The following VIPR2 variants were observed in gnomAD, a reference collection of about 807,000 sequenced individuals.
VIPR2 encodes vasoactive intestinal polypeptide receptor 2.
VIPR2 carries 48 observed loss-of-function variants against 58.0 expected under a neutral mutation model. The observed-to-expected ratio is 0.83, with a 90% CI of 0.66 to 1.05. VIPR2 has a LOEUF of 1.05. Ranked by LOEUF, VIPR2 falls within the 50% of genes least tolerant of loss-of-function variation. The pLI, the probability that VIPR2 is intolerant of heterozygous loss-of-function variation, is 0.00. For missense variants in VIPR2, 534 were observed against 558.0 expected (o/e 0.96, Z 0.43); for synonymous variants, 243 against 235.2 (o/e 1.03, Z -0.30).
chr7:159,035,112 C>A (rs1853848250), intron 8 of VIPR2, among the ~76,000 whole-genome samples: 1 of 152,232 alleles, frequency 6.6e-6, no homozygotes, highest in Non-Finnish European at 1.5e-5. Context: ...GGGGTGTCTC[C>A]AGCAGGAAGC....
At chr7:159,130,217 G>A (rs1016490792) in intron 2 of VIPR2, among the ~76,000 whole-genome samples, 7 of 152,154 alleles carry the variant, frequency 4.6e-5, no homozygotes, top group Non-Finnish European at 7.3e-5. Flanking sequence ...AGCTAACTTC[G>A]AGAGACTTTT....
chr7:159,138,461 A>C (rs530818281), intron 2 of VIPR2, among the ~76,000 whole-genome samples: 65 of 152,360 alleles, frequency 4.3e-4, no homozygotes, highest in African/African-American at 1.3e-3. Flanking sequence ...TATTCCCACC[A>C]ACAAAACGGT....
Position 159,098,138 on chromosome 7 carries a change from C to T in VIPR2, c.357+5619G>A, listed in dbSNP as rs1042773848. Among the ~76,000 whole-genome samples the T allele has an allele frequency of 7.2e-5, 11 of 152,310 alleles. No homozygotes were observed. The highest frequency in any genetic ancestry group is 1.4e-4 in the African/African-American group (6 of 41,572). Reference sequence around the variant, plus strand: ...TCTGCCTGAGCTGTTCTGTTTTCCACGCAGTGGGAACCCCGGCCCCCATCC... The same window carrying T: ...TCTGCCTGAGCTGTTCTGTTTTCCATGCAGTGGGAACCCCGGCCCCCATCC... On this transcript the variant is annotated intron_variant, in intron 4 of 12. Transcript: ENST00000262178. This position sits in a 1 kb window ranked among gnomAD's most constrained non-coding sequence, Gnocchi z 5.2.
chr7:159,037,152 T>C (rs550214482), intron 6 of VIPR2, among the ~76,000 whole-genome samples: 478 of 152,342 alleles, frequency 3.1e-3, no homozygotes, highest in Non-Finnish European at 5.8e-3. Flanking sequence ...TGAACAGCAC[T>C]GCCTGAGGTG....
At chr7:159,106,176 G>A (rs989120616) in intron 3 of VIPR2, among the ~76,000 whole-genome samples, 1 of 152,246 alleles carries the variant, frequency 6.6e-6, no homozygotes, top group African/African-American at 2.4e-5. Flanking sequence ...CATCCTCTGC[G>A]AGGTGCAGCC....
intron 4 of VIPR2, among the ~76,000 whole-genome samples, chr7:159,102,752 C>G (rs374275966): frequency 2.6e-5 from 4 of 152,146 alleles, no homozygotes; most frequent in Admixed American, 2.6e-4. Flanking sequence ...AGGAGGTGAT[C>G]GGCCCACAAG....
rs865849437 is a variant in VIPR2 at position 159,132,730 on chromosome 7, C to G, written c.151+9716G>C. Among the ~76,000 whole-genome samples, 103 of 152,044 alleles carry G rather than the reference C, an allele frequency of 6.8e-4. No homozygotes were observed. The Middle Eastern group carries it at 0.028, about 41-fold the overall frequency. ...ACAAGGAATCGTGAGTATCTGCAAACCACGCAATATATTTTTTGATTGGCA... is the reference window on the plus strand; with the variant it reads ...ACAAGGAATCGTGAGTATCTGCAAAGCACGCAATATATTTTTTGATTGGCA... On this transcript the variant is annotated intron_variant, in intron 2 of 12. Coordinates refer to ENST00000262178, the MANE Select transcript of VIPR2 (RefSeq NM_003382.5).
chr7:159,085,002 G>A (rs750409477), intron 4 of VIPR2, among the ~76,000 whole-genome samples: 14 of 152,216 alleles, frequency 9.2e-5, no homozygotes, highest in Non-Finnish European at 1.9e-4. Flanking sequence ...TTCAGGATGA[G>A]AACACTGCAC....
chr7:159,090,052 G>A (rs149129552), intron 4 of VIPR2, among the ~76,000 whole-genome samples: 2,681 of 84,194 alleles, frequency 0.032, 100 homozygotes, highest in African/African-American at 0.058. Flanking sequence ...CACAATCCCC[G>A]GTGACCTCAG....
intron 4 of VIPR2, among the ~76,000 whole-genome samples, chr7:159,074,859 AG>A (rs1856563408): frequency 6.6e-6 from 1 of 152,196 alleles, no homozygotes; most frequent in Admixed American, 6.5e-5. Flanking sequence ...AGATAAAAAA[AG>A]AACTCGTTTT....
chr7:159,064,028 CCT>C (rs1855928207), intron 4 of VIPR2, among the ~76,000 whole-genome samples: 1 of 152,000 alleles, frequency 6.6e-6, no homozygotes, highest in Middle Eastern at 3.4e-3. Context: ...AGAGGCGTCC[CCT>C]GAGACTTCCT....
chr7:159,032,368 C>G (rs1420443783), intron 10 of VIPR2, among the ~76,000 whole-genome samples: 1 of 152,222 alleles, frequency 6.6e-6, no homozygotes, highest in African/African-American at 2.4e-5. Flanking sequence ...GGGCAAGATT[C>G]CCTGTGAGTG....
At chr7:159,091,867 C>T (rs1857526980) in intron 4 of VIPR2, among the ~76,000 whole-genome samples, 1 of 152,220 alleles carries the variant, frequency 6.6e-6, no homozygotes. Context: ...GGGGCTCATG[C>T]CTGTAATCCC....
intron 2 of VIPR2, among the ~76,000 whole-genome samples, chr7:159,112,719 GA>G (rs1796075064): frequency 7.3e-6 from 1 of 136,548 alleles, no homozygotes. Context: ...CTGTGAGGAG[GA>G]GACTCACGGC....
At chr7:159,117,939 C>G (rs1272386844) in intron 2 of VIPR2, among the ~76,000 whole-genome samples, 1 of 152,202 alleles carries the variant, frequency 6.6e-6, no homozygotes, top group Non-Finnish European at 1.5e-5. Flanking sequence ...CATTTAGAAG[C>G]AAATATTTCC....
chr7:159,035,854 G>C (rs1853909404), intron 8 of VIPR2, 98 bp downstream of exon 8: 2 of 1,515,714 alleles, frequency 1.3e-6, no homozygotes, highest in Non-Finnish European at 1.8e-6. Flanking sequence ...AACGCTCCCT[G>C]TCCTTCCAAC....
chr7:159,137,566 T>C (rs1563359351), intron 2 of VIPR2, among the ~76,000 whole-genome samples: 1 of 152,150 alleles, frequency 6.6e-6, no homozygotes, highest in African/African-American at 2.4e-5. Flanking sequence ...TTTTGGTGTC[T>C]TGCTATGTTA....
chr7:159,067,078 A>G (rs1335274677), intron 4 of VIPR2, among the ~76,000 whole-genome samples: 2 of 152,232 alleles, frequency 1.3e-5, no homozygotes, highest in African/African-American at 2.4e-5. Context: ...TGCACCAGCC[A>G]TATTTTGGTG....
At chr7:159,131,664 G>C (rs960185226) in intron 2 of VIPR2, among the ~76,000 whole-genome samples, 2 of 152,158 alleles carry the variant, frequency 1.3e-5, no homozygotes, top group African/African-American at 2.4e-5. Context: ...CATTTTTTCT[G>C]AATCTGCTGT....
Sources: allele counts gnomAD v4.1 joint callset (sites outside exome capture counted in the v4.1 genomes callset), GRCh38; gene constraint gnomAD v4.1.1; non-coding constraint Gnocchi (gnomAD v3.1); transcripts MANE v1.5; gene names NCBI Gene and HGNC (gene_info 2026-07-23, HGNC 2026-07-21).